SORCS2: variants seen among roughly 807,000 people sequenced by gnomAD.
The protein encoded by SORCS2 is sortilin related VPS10 domain containing receptor 2.
SORCS2 carries 100 observed loss-of-function variants against 141.6 expected under a neutral mutation model. The ratio of observed to expected loss-of-function variants is 0.71; its 90% CI spans 0.60 to 0.83. SORCS2 has a LOEUF of 0.83. Among genes scored for constraint, SORCS2 ranks in the 40% least tolerant of loss-of-function variants. The probability of loss-of-function intolerance (pLI) is 0.00; values close to 1 mark genes in which losing one functional copy is unlikely to be tolerated. For synonymous variants in SORCS2, 789 were observed against 676.9 expected, an observed-to-expected ratio of 1.17 and a Z score of -2.57; for missense variants, 1,646 against 1,560.2, an observed-to-expected ratio of 1.05 and a Z score of -0.93.
chr4:7,387,810 A>ACG (rs1359830591), intron 1 of SORCS2, among the ~76,000 whole-genome samples: 9 of 117,256 alleles, frequency 7.7e-5, no homozygotes, highest in East Asian at 1.6e-3. Context: ...ACATGCACAC[A>ACG]CAGATACAGA....
At chr4:7,416,538 G>A (rs949807640) in intron 2 of SORCS2, among the ~76,000 whole-genome samples, 9 of 151,952 alleles carry the variant, frequency 5.9e-5, no homozygotes, top group East Asian at 1.9e-4. Context: ...ACTCACACAC[G>A]CCCACACGTG....
At chr4:7,605,811 G>A (rs1193813446) in intron 3 of SORCS2, among the ~76,000 whole-genome samples, 2 of 152,094 alleles carry the variant, frequency 1.3e-5, no homozygotes, top group African/African-American at 4.8e-5. Flanking sequence ...GGGGTGAGGA[G>A]CAGGGGGAAC....
intron 2 of SORCS2, among the ~76,000 whole-genome samples, chr4:7,400,812 T>C (rs1374091267): frequency 6.6e-6 from 1 of 151,304 alleles, no homozygotes; most frequent in Non-Finnish European, 1.5e-5. Context: ...GATAGATGGA[T>C]AGAAGAATGG....
rs2234765 is a variant in SORCS2, at chr4:7,742,600, C to T, written c.*2336C>T. The T allele has an allele frequency of 6.6e-6, 1 of 152,170 alleles. No homozygotes were observed. The highest frequency in any genetic ancestry group is 1.5e-5 in the Non-Finnish European group (1 of 68,042). 9.4% of individuals were successfully genotyped at this position (152,170 alleles called of 1,614,324 possible). ...GGCATCTGAGACAGCCTGATACGTTCCCGTCTGTGCACCCATGGAGATCCA... is the reference window on the plus strand; with the variant it reads ...GGCATCTGAGACAGCCTGATACGTTTCCGTCTGTGCACCCATGGAGATCCA... On this transcript the variant is annotated 3_prime_UTR_variant, in exon 27 of 27. Coordinates refer to ENST00000507866, the MANE Select transcript of SORCS2 (RefSeq NM_020777.3).
intron 4 of SORCS2, among the ~76,000 whole-genome samples, chr4:7,639,686 TGTGG>T (rs1720517856): frequency 6.7e-6 from 1 of 149,430 alleles, no homozygotes; most frequent in Non-Finnish European, 1.5e-5. Flanking sequence ...AGTGTGAGGG[TGTGG>T]GTGTCTGTGT....
Position 7,236,251 on chromosome 4 carries a change from G to A in SORCS2, c.480+43125G>A, listed in dbSNP as rs116450648. On this transcript the variant is annotated intron_variant, in intron 1 of 26. Transcript: ENST00000507866. Reference sequence around the variant, plus strand: ...GTTTTAGGTAGGGTGGCCAGAGGAGGTCTCACTGCAGGTGACTTTTGAGAG... The same window carrying A: ...GTTTTAGGTAGGGTGGCCAGAGGAGATCTCACTGCAGGTGACTTTTGAGAG... Among the ~76,000 whole-genome samples, 1,267 of 152,348 alleles carry A rather than the reference G, an allele frequency of 8.3e-3. 19 individuals carry two copies. The highest frequency in any genetic ancestry group is 9.4e-3 in the Non-Finnish European group (638 of 68,026).
At chr4:7,652,703 C>A (rs755363032) in intron 4 of SORCS2, among the ~76,000 whole-genome samples, 1 of 152,104 alleles carries the variant, frequency 6.6e-6, no homozygotes, top group African/African-American at 2.4e-5. Context: ...CTGCCCCCAG[C>A]TGGGCCCAGG....
At chr4:7,369,041 T>C (rs755887310) in intron 1 of SORCS2, among the ~76,000 whole-genome samples, 1 of 152,182 alleles carries the variant, frequency 6.6e-6, no homozygotes, top group Admixed American at 6.5e-5. Flanking sequence ...GTGTGGTGGC[T>C]CACACCTATA....
chr4:7,388,301 G>T (rs1176401166), intron 1 of SORCS2, among the ~76,000 whole-genome samples: 6 of 152,178 alleles, frequency 3.9e-5, no homozygotes, highest in African/African-American at 9.7e-5. Flanking sequence ...ATCCCCTCTG[G>T]CTGCTCTTGG....
Position 7,233,335 on chromosome 4 carries a change from C to T in SORCS2, c.480+40209C>T, listed in dbSNP as rs1712038081. ...GACAGGAGCACATCCAGGGTGTCAT[C>T]ATGATGACGTCTCCTGGCCACCGCT... On this transcript the variant is annotated intron_variant, in intron 1 of 26. Coordinates refer to ENST00000507866, the MANE Select transcript of SORCS2 (RefSeq NM_020777.3). The surrounding 1 kb of genome is among the most constrained non-coding windows in gnomAD (Gnocchi z 4.5). Among the ~76,000 whole-genome samples, 1 of 152,288 alleles carries T rather than the reference C, an allele frequency of 6.6e-6. No homozygotes were observed. The highest frequency in any genetic ancestry group is 1.9e-4 in the East Asian group (1 of 5,180).
intron 1 of SORCS2, among the ~76,000 whole-genome samples, chr4:7,219,698 A>G (rs1262474092): frequency 2.0e-5 from 3 of 152,194 alleles, no homozygotes; most frequent in African/African-American, 7.2e-5. Flanking sequence ...CCATGATCCA[A>G]CCACTTCCTG....
intron 1 of SORCS2, among the ~76,000 whole-genome samples, chr4:7,361,232 A>G (rs758400531): frequency 2.9e-4 from 44 of 152,190 alleles, no homozygotes; most frequent in Non-Finnish European, 2.5e-4. Context: ...GGATTTTTCA[A>G]TGATGATTGT....
chr4:7,427,155 A>G (rs955719402), intron 2 of SORCS2, among the ~76,000 whole-genome samples: 3 of 152,106 alleles, frequency 2.0e-5, no homozygotes, highest in African/African-American at 7.2e-5. Context: ...GCTCCAGGGT[A>G]GCGTTAATGG....
At chr4:7,480,215 G>T (rs1354210522) in intron 2 of SORCS2, among the ~76,000 whole-genome samples, 4 of 152,346 alleles carry the variant, frequency 2.6e-5, no homozygotes, top group African/African-American at 9.6e-5. Flanking sequence ...CTGTGACCAG[G>T]TGTTGAGCCC....
intron 3 of SORCS2, among the ~76,000 whole-genome samples, chr4:7,631,356 A>G (rs6851094): frequency 0.93 from 141,116 of 151,226 alleles, 65,959 homozygotes; most frequent in East Asian, 1. Context: ...AGAGAAGGGC[A>G]TCCAGGCCTC....
chr4:7,602,325 G>A (rs1319255352), intron 3 of SORCS2, among the ~76,000 whole-genome samples: 4 of 151,642 alleles, frequency 2.6e-5, no homozygotes, highest in Admixed American at 6.6e-5. Context: ...TGGAGGGGGC[G>A]GCTGCTGGGC....
intron 23 of SORCS2, among the ~76,000 whole-genome samples, chr4:7,731,756 C>G (rs1370165414): frequency 2.0e-5 from 3 of 152,164 alleles, no homozygotes; most frequent in African/African-American, 7.2e-5. Flanking sequence ...ACTGAATATC[C>G]ACATGCAGAA....
At chr4:7,722,434 A>G (rs1001121739) in intron 18 of SORCS2, among the ~76,000 whole-genome samples, 1 of 152,194 alleles carries the variant, frequency 6.6e-6, no homozygotes, top group East Asian at 1.9e-4. Context: ...TAGGGACCCC[A>G]TAACAAATTA....
chr4:7,543,397 A>G (rs1712843198), intron 3 of SORCS2, among the ~76,000 whole-genome samples: 1 of 125,546 alleles, frequency 8.0e-6, no homozygotes, highest in African/African-American at 2.6e-5. Context: ...CCACCCATCC[A>G]TCCATCCACC....
Sources: allele counts gnomAD v4.1 joint callset (sites outside exome capture counted in the v4.1 genomes callset), GRCh38; gene constraint gnomAD v4.1.1; non-coding constraint Gnocchi (gnomAD v3.1); transcripts MANE v1.5; gene names NCBI Gene and HGNC (gene_info 2026-07-23, HGNC 2026-07-21).